Variants in BRD3 observed in about 807,000 individuals in gnomAD.
BRD3 encodes the protein bromodomain containing 3, also known as bromodomain-containing protein 3.
In BRD3, 17 loss-of-function variants were observed where a neutral mutation model predicts 66.8. The ratio of observed to expected loss-of-function variants is 0.25; its 90% CI spans 0.17 to 0.38. The LOEUF is 0.38. Ranked by LOEUF, BRD3 falls within the 10% of genes least tolerant of loss-of-function variation. BRD3 has a pLI of 1.00. For missense variants in BRD3, 713 were observed against 956.1 expected (o/e 0.75, Z 3.35); for synonymous variants, 421 against 393.2 (o/e 1.07, Z -0.84).
chr9:134,056,525 C>G (rs1249214026), intron 1 of BRD3: 1 of 152,402 alleles, frequency 6.6e-6, no homozygotes, highest in Non-Finnish European at 1.5e-5. Context: ...CTGCCTCCCC[C>G]AGAAGCCCTT....
intron 4 of BRD3, 149 bp from the exon 5 acceptor site, chr9:134,050,737 C>G: frequency 1.5e-6 from 1 of 660,060 alleles, no homozygotes; most frequent in East Asian, 2.8e-5. Flanking sequence ...GAGATGCCCC[C>G]CATCCTGCAT....
chr9:134,056,605 G>A (rs1389628033), intron 1 of BRD3: 5 of 152,416 alleles, frequency 3.3e-5, no homozygotes, highest in African/African-American at 1.2e-4. Context: ...AGGGCAGCCA[G>A]AGGGCAAAGG....
At position 134,033,545 on chromosome 9, in the gene BRD3, T is replaced by C; in HGVS notation, c.*45A>G. 1 of 708,490 alleles carries C rather than the reference T, an allele frequency of 1.4e-6. No homozygotes were observed. Among genetic ancestry groups the C allele is most frequent in the Non-Finnish European group, 2.7e-6 (1 of 375,986 alleles). The allele number at this position is 708,490 out of a possible 1,614,324, so 43.9% of individuals were successfully genotyped here. On this transcript the variant is annotated 3_prime_UTR_variant, in exon 12 of 12. Transcript: ENST00000303407. The surrounding 1 kb of genome is among the most constrained non-coding windows in gnomAD (Gnocchi z 5.1). Reference sequence around the variant, plus strand: ...AACCACAGAGGGGTACGGCAGAGTCTCGGCGTGTGCGACATCCATCTGTCC... The same window carrying C: ...AACCACAGAGGGGTACGGCAGAGTCCCGGCGTGTGCGACATCCATCTGTCC...
chr9:134,034,747 C>T lies in BRD3; in HGVS notation c.2019G>A (p.Gln673=). 1 of 1,610,112 alleles carries T rather than the reference C, an allele frequency of 6.2e-7. No homozygotes were observed. The highest frequency in any genetic ancestry group is 1.7e-5 in the Admixed American group (1 of 60,028). The part of the protein sequence containing the change: ...EKKKELEKRL[Q]DVSGQLSSSK... ...TGCTGCTCAGCTGCCCGCTGACATC[C>T]TGCAGACGCTTTTCCAGCTCCTTCT... Residue 673 remains glutamine, a synonymous_variant, in exon 11 of 12, where the codon CAG becomes CAA. Transcript: ENST00000303407.
chr9:134,047,991 C>T (rs1485442896), intron 6 of BRD3, 92 bp downstream of exon 6: 32 of 1,425,156 alleles, frequency 2.2e-5, no homozygotes, highest in South Asian at 9.1e-5. Context: ...CCCTGCTCCC[C>T]GACAGCCCCC....
At chr9:134,038,401 T>C (rs148112448) in intron 9 of BRD3, among the ~76,000 whole-genome samples, 3,035 of 152,288 alleles carry the variant, frequency 0.02, 49 homozygotes, top group Non-Finnish European at 0.025. Flanking sequence ...CCACTGCACC[T>C]GGCCTCAAAT....
intron 10 of BRD3, 145 bp downstream of exon 10, chr9:134,035,887 G>A (rs568640664): frequency 1.7e-5 from 20 of 1,152,394 alleles, no homozygotes; most frequent in East Asian, 7.8e-5. Flanking sequence ...TATCCTCAGG[G>A]CATCTGTGGT....
intron 6 of BRD3, 174 bp downstream of exon 6, chr9:134,047,909 C>T (rs964938715): frequency 4.5e-6 from 4 of 885,596 alleles, no homozygotes; most frequent in African/African-American, 1.7e-5. Flanking sequence ...ACGCCTTCCT[C>T]GCTGAGCCTT....
At chr9:134,051,899 T>TG in intron 3 of BRD3, among the ~76,000 whole-genome samples, 190 bp from the exon 4 acceptor site, 1 of 137,628 alleles carries the variant, frequency 7.3e-6, no homozygotes, top group African/African-American at 3.0e-5. Context: ...GTTTTTTTTT[T>TG]TTTTTTTTTG....
intron 1 of BRD3, among the ~76,000 whole-genome samples, chr9:134,061,002 C>G (rs1360156980): frequency 2.6e-5 from 4 of 152,242 alleles, no homozygotes; most frequent in African/African-American, 9.6e-5. Flanking sequence ...TGTTTCAGGG[C>G]TGTGGACAAA....
At position 134,048,058 on chromosome 9, in the gene BRD3, C is replaced by G. The variant is rs183892685; in HGVS notation, c.1086+25G>C. 4.8e-3 allele frequency: 7,429 copies of G among 1,540,628 alleles called. 22 individuals carry two copies. Among genetic ancestry groups the G allele is most frequent in the Admixed American group, 7.1e-3 (374 of 52,912 alleles). On this transcript the variant is annotated intron_variant, in intron 6 of 11. Coordinates refer to ENST00000303407, the MANE Select transcript of BRD3 (RefSeq NM_007371.4). ...GCAGAGCCGCAGGACATGGGCAGAG[C>G]AGGGCCTGCCGCGCGGCCACGTACT... is the stretch of plus-strand genomic sequence containing the variant.
chr9:134,036,608 C>G lies in BRD3; in HGVS notation c.1644-284G>C, dbSNP rs772122737. 3 of 1,574,198 alleles carry G rather than the reference C, an allele frequency of 1.9e-6. No homozygotes were observed. The South Asian group carries it at 3.4e-5, about 18-fold the overall frequency. Reference sequence around the variant, plus strand: ...AAATGATCTCTGTATTCAGGTAATCCAAAAGAAGGCAAAAAAGGGGGAACA... The same window carrying G: ...AAATGATCTCTGTATTCAGGTAATCGAAAAGAAGGCAAAAAAGGGGGAACA... On this transcript the variant is annotated intron_variant, in intron 9 of 11. Transcript: ENST00000303407.
intron 9 of BRD3, among the ~76,000 whole-genome samples, chr9:134,037,897 G>A (rs1055541732): frequency 6.6e-6 from 1 of 152,194 alleles, no homozygotes; most frequent in Non-Finnish European, 1.5e-5. Flanking sequence ...ATAGACTTAT[G>A]TCCATAAGTT....
chr9:134,055,448 G>C lies in BRD3; in HGVS notation c.-113-1858C>G, dbSNP rs146184463. Among the ~76,000 whole-genome samples the C allele has an allele frequency of 1.5e-4, 23 of 152,292 alleles. 1 individual carries two copies. Among genetic ancestry groups the C allele is most frequent in the Middle Eastern group, 3.4e-3 (1 of 292 alleles). Reference sequence around the variant, plus strand: ...GGCTCCTGCCCTTCCAAGGCCTCCAGGTAGCTCCCAGAACACCCTTCCTGC... The same window carrying C: ...GGCTCCTGCCCTTCCAAGGCCTCCACGTAGCTCCCAGAACACCCTTCCTGC... On this transcript the variant is annotated intron_variant, in intron 1 of 11. Transcript: ENST00000303407.
At chr9:134,046,400 C>T (rs1205012130) in intron 6 of BRD3, among the ~76,000 whole-genome samples, 1 of 152,216 alleles carries the variant, frequency 6.6e-6, no homozygotes, top group Non-Finnish European at 1.5e-5. Context: ...GCAAATCTAC[C>T]CCGACCGCTC....
chr9:134,052,359 C>T lies in BRD3; in HGVS notation c.298G>A (p.Glu100Lys), dbSNP rs1830323600. The T allele has an allele frequency of 6.2e-7, 1 of 1,613,586 alleles. No individual in the cohort carries two copies. The highest frequency in any genetic ancestry group is 1.1e-5 in the South Asian group (1 of 91,080). ...LENNYYWSAS[E>K]CMQDFNTMFT... ...ATGGTGTTGAAGTCCTGCATACATTCGCTTGCACTCCAATAATAATTATTT... is the reference window on the plus strand; with the variant it reads ...ATGGTGTTGAAGTCCTGCATACATTTGCTTGCACTCCAATAATAATTATTT... The change falls in exon 3 of 12, where the codon GAA (glutamate) becomes AAA (lysine). Residue 100 changes from glutamate to lysine, a missense_variant. This residue lies in a region of BRD3 where 85 missense variants were observed against 152.4 expected (regional missense o/e 0.56). Transcript: ENST00000303407.
intron 1 of BRD3, among the ~76,000 whole-genome samples, chr9:134,064,808 C>T (rs1830612628): frequency 6.6e-6 from 1 of 152,204 alleles, no homozygotes; most frequent in Non-Finnish European, 1.5e-5. Context: ...ATGTCTGTGC[C>T]CATGATTTCA....
chr9:134,067,680 A>C (rs1830696914), intron 1 of BRD3, among the ~76,000 whole-genome samples: 1 of 145,740 alleles, frequency 6.9e-6, no homozygotes, highest in Non-Finnish European at 1.5e-5. Flanking sequence ...GGAGGCGGCC[A>C]AGCGGGAGCG....
In BRD3 at chr9:134,033,567, G is replaced by A; in HGVS notation, c.*23C>T. 1.4e-6 allele frequency: 1 copy of A among 739,472 alleles called. No homozygotes were observed. Among genetic ancestry groups the A allele is most frequent in the Non-Finnish European group, 2.5e-6 (1 of 395,206 alleles). The allele number at this position is 739,472 out of a possible 1,614,324, so 45.8% of individuals were successfully genotyped here. A position where few individuals can be genotyped will look rare whatever the true frequency, so the allele number is the denominator to read the frequency against. Reference sequence around the variant, plus strand: ...GTCTCGGCGTGTGCGACATCCATCTGTCCTGTTCTGTCCGAAGCCAGTTCA... The same window carrying A: ...GTCTCGGCGTGTGCGACATCCATCTATCCTGTTCTGTCCGAAGCCAGTTCA... On this transcript the variant is annotated 3_prime_UTR_variant, in exon 12 of 12. Coordinates refer to ENST00000303407, the MANE Select transcript of BRD3 (RefSeq NM_007371.4). The surrounding 1 kb of genome is among the most constrained non-coding windows in gnomAD (Gnocchi z 5.1).
Sources: gnomAD v4.1 joint callset for allele counts (sites outside exome capture counted in the v4.1 genomes callset) on GRCh38, gnomAD v4.1.1 for gene constraint, gnomAD v4.1.1 regional missense constraint, Gnocchi (gnomAD v3.1) non-coding constraint, MANE v1.5 for transcripts, NCBI Gene and HGNC (gene_info 2026-07-23, HGNC 2026-07-21) for gene names.